FARP1: variants seen among roughly 807,000 people sequenced by gnomAD.
The protein encoded by FARP1 is FERM, ARHGEF and pleckstrin domain-containing protein 1.
In FARP1, 52 loss-of-function variants were observed where a neutral mutation model predicts 128.8. That is an observed-to-expected ratio of 0.40 (90% CI 0.32 to 0.51). The LOEUF (loss-of-function observed/expected upper bound fraction) is 0.51. Among genes scored for constraint, FARP1 ranks in the 20% least tolerant of loss-of-function variants. The probability of loss-of-function intolerance (pLI) is 0.45; values close to 1 mark genes in which losing one functional copy is unlikely to be tolerated. For synonymous variants in FARP1, 580 were observed against 551.8 expected, an observed-to-expected ratio of 1.05 and a Z score of -0.72; for missense variants, 1,333 against 1,367.9, an observed-to-expected ratio of 0.97 and a Z score of 0.40.
chr13:98,166,278 T>C (rs1877260771), intron 1 of FARP1, among the ~76,000 whole-genome samples: 1 of 152,202 alleles, frequency 6.6e-6, no homozygotes, highest in Admixed American at 6.5e-5. Context: ...GGGTGATACC[T>C]GAAGTATAAA....
chr13:98,239,179 T>C (rs1882616431), intron 2 of FARP1, among the ~76,000 whole-genome samples: 1 of 152,200 alleles, frequency 6.6e-6, no homozygotes, highest in African/African-American at 2.4e-5. Flanking sequence ...ACACTTAAGA[T>C]ACTTACCCTA....
chr13:98,408,405 G>A (rs114579075), intron 13 of FARP1, among the ~76,000 whole-genome samples: 1,462 of 131,320 alleles, frequency 0.011, 21 homozygotes, highest in African/African-American at 0.04. Flanking sequence ...TCAGTTCACC[G>A]CAACCTTACC....
At position 98,384,712 on chromosome 13, in the gene FARP1, CTTTCTG is replaced by C; in HGVS notation, c.497-12_497-7del. ...TGTCATTCCTACGTGACCTGTTTTT[CTTTCTG>C]TTTCTTTTTAGCTGAGATTGGGGAT... On this transcript the variant is annotated splice_polypyrimidine_tract_variant and intron_variant, in intron 6 of 26. Coordinates refer to ENST00000319562, the MANE Select transcript of FARP1 (RefSeq NM_005766.4). The C allele has an allele frequency of 1.3e-6, 2 of 1,526,130 alleles. No homozygotes were observed. The highest frequency in any genetic ancestry group is 2.2e-5 in the South Asian group (2 of 89,168). The allele number at this position is 1,526,130 out of a possible 1,614,324, so 94.5% of individuals were successfully genotyped here. A position where few individuals can be genotyped will look rare whatever the true frequency, so the allele number is the denominator to read the frequency against.
chr13:98,419,771 G>C (rs185588816), intron 16 of FARP1, among the ~76,000 whole-genome samples: 1 of 152,252 alleles, frequency 6.6e-6, no homozygotes, highest in African/African-American at 2.4e-5. Context: ...ATCTATTTTC[G>C]GGGTGGAGCA....
Position 98,295,054 on chromosome 13 carries a change from C to T in FARP1, c.172-48708C>T, listed in dbSNP as rs1885611396. ...ATTATATATATATATATTACACACACACACACACACACACACACACACACA... is the reference window on the plus strand; with the variant it reads ...ATTATATATATATATATTACACACATACACACACACACACACACACACACA... On this transcript the variant is annotated intron_variant, in intron 2 of 26. Transcript: ENST00000319562. Among the ~76,000 whole-genome samples the T allele has an allele frequency of 1.8e-4, 5 of 27,336 alleles. No individual in the cohort carries two copies. The East Asian group carries it at 0.013, about 73-fold the overall frequency. The allele number at this position is 27,336 out of a possible 152,430, so 17.9% of individuals were successfully genotyped here.
At chr13:98,346,855 T>C (rs7329493) in intron 3 of FARP1, among the ~76,000 whole-genome samples, 31,334 of 152,220 alleles carry the variant, frequency 0.21, 3,464 homozygotes, top group Non-Finnish European at 0.24. Context: ...TTCTCTCTCT[T>C]GATCTGGATG....
rs148906137 is a variant in FARP1 at position 98,343,772 on chromosome 13, C to T, written c.182C>T (p.Pro61Leu). The change falls in exon 3 of 27, where the codon CCT (proline) becomes CTT (leucine). Residue 61 changes from proline to leucine, a missense_variant. By Grantham distance (98) the Pro-to-Leu change is moderately conservative. Transcript: ENST00000319562. ...TGTTTCTGCTCACAGCAAAGAGCTC[C>T]TGGGAAGGTGCTGCTGGATGCAGTT... ...QEAFEVPQRA[P>L]GKVLLDAVCN... is the part of the protein sequence containing the mutation. 3 of 1,613,636 alleles carry T rather than the reference C, an allele frequency of 1.9e-6. No individual in the cohort carries two copies. The highest frequency in any genetic ancestry group is 2.7e-5 in the African/African-American group (2 of 74,928).
chr13:98,260,172 T>G (rs1536901), intron 2 of FARP1, among the ~76,000 whole-genome samples: 2 of 151,894 alleles, frequency 1.3e-5, no homozygotes, highest in Non-Finnish European at 2.9e-5. Flanking sequence ...CTCGTCAAGT[T>G]TCCTAATACA....
chr13:98,159,672 T>C (rs1464205602), intron 1 of FARP1: 7 of 152,112 alleles, frequency 4.6e-5, no homozygotes, highest in Non-Finnish European at 1.0e-4. Context: ...GGTTTCTCTA[T>C]GTTGGTCAGG....
intron 6 of FARP1, chr13:98,382,605 C>G (rs80344873): frequency 6.6e-6 from 1 of 152,114 alleles, no homozygotes; most frequent in South Asian, 2.1e-4. Flanking sequence ...TCTGAAAATT[C>G]GCTTATTTAC....
At chr13:98,222,871 C>T (rs1227127459) in intron 2 of FARP1, among the ~76,000 whole-genome samples, 1 of 150,430 alleles carries the variant, frequency 6.6e-6, no homozygotes, top group African/African-American at 2.5e-5. Context: ...CTCTTGACCT[C>T]GCAACCCGGC....
At chr13:98,169,755 T>G (rs1157331750) in intron 1 of FARP1, among the ~76,000 whole-genome samples, 1 of 152,236 alleles carries the variant, frequency 6.6e-6, no homozygotes, top group African/African-American at 2.4e-5. Context: ...CTTAAGATTT[T>G]AAAGTGTCAC....
chr13:98,451,972 GA>G lies in FARP1; in HGVS notation c.*3656del, dbSNP rs1270992155. ...CAACCTCCAACTGCATCATCTCGGT[GA>G]GCAAGTGCGCAAGCAGTCCAGGGCG... On this transcript the variant is annotated 3_prime_UTR_variant, in exon 27 of 27. Transcript: ENST00000319562. The G allele has an allele frequency of 6.6e-6, 1 of 152,198 alleles. No homozygotes were observed. Among genetic ancestry groups the G allele is most frequent in the Admixed American group, 6.5e-5 (1 of 15,272 alleles). 9.4% of individuals were successfully genotyped at this position (152,198 alleles called of 1,614,324 possible). A position where few individuals can be genotyped will look rare whatever the true frequency, so the allele number is the denominator to read the frequency against.
intron 2 of FARP1, among the ~76,000 whole-genome samples, chr13:98,322,781 C>G (rs1248578428): frequency 6.6e-6 from 1 of 152,186 alleles, no homozygotes; most frequent in Non-Finnish European, 1.5e-5. Context: ...AACCATCTTG[C>G]ACAAAGGCAG....
Position 98,450,402 on chromosome 13 carries a change from A to G in FARP1, c.*2085A>G, listed in dbSNP as rs1481829547. The G allele has an allele frequency of 5.3e-5, 8 of 152,230 alleles. No homozygotes were observed. 9.4% of individuals were successfully genotyped at this position (152,230 alleles called of 1,614,324 possible). On this transcript the variant is annotated 3_prime_UTR_variant, in exon 27 of 27. Coordinates refer to ENST00000319562, the MANE Select transcript of FARP1 (RefSeq NM_005766.4). ...GGTACAAAATGCTACATACAGAACC[A>G]AACCAGCCACTTCACAAGAGCAATG...
chr13:98,352,082 C>T (rs529693362), intron 3 of FARP1, among the ~76,000 whole-genome samples: 177 of 152,092 alleles, frequency 1.2e-3, no homozygotes, highest in African/African-American at 4.1e-3. Context: ...AACCCAAGGC[C>T]GTACATAAAG....
At chr13:98,418,904 A>G (rs1489085538) in intron 16 of FARP1, among the ~76,000 whole-genome samples, 1 of 152,172 alleles carries the variant, frequency 6.6e-6, no homozygotes, top group African/African-American at 2.4e-5. Flanking sequence ...CTCTTATTCA[A>G]TTCGACCTGG....
At chr13:98,293,282 G>A in intron 2 of FARP1, among the ~76,000 whole-genome samples, 1 of 152,182 alleles carries the variant, frequency 6.6e-6, no homozygotes, top group East Asian at 1.9e-4. Context: ...AGCTAAGGAG[G>A]TCTGTGAGAA....
chr13:98,284,316 C>T (rs1471971227), intron 2 of FARP1, among the ~76,000 whole-genome samples: 1 of 151,990 alleles, frequency 6.6e-6, no homozygotes, highest in East Asian at 1.9e-4. Context: ...TAACCAATGC[C>T]ACCACCTTCC....
Sources: gnomAD v4.1 joint callset for allele counts (sites outside exome capture counted in the v4.1 genomes callset) on GRCh38, gnomAD v4.1.1 for gene constraint, MANE v1.5 for transcripts, NCBI Gene and HGNC (gene_info 2026-07-23, HGNC 2026-07-21) for gene names.